SETBP1: variants seen among roughly 807,000 people sequenced by gnomAD.
The protein encoded by SETBP1 is SET-binding protein.
A neutral mutation model predicts 101.0 loss-of-function variants in SETBP1; 9 were observed. The ratio of observed to expected loss-of-function variants is 0.09; its 90% CI spans 0.05 to 0.16. SETBP1 has a LOEUF of 0.16. Among genes scored for constraint, SETBP1 ranks in the 10% least tolerant of loss-of-function variants. SETBP1 has a pLI of 1.00. For synonymous variants in SETBP1, 818 were observed against 788.5 expected, an observed-to-expected ratio of 1.04 and a Z score of -0.63; for missense variants, 1,858 against 2,033.8, an observed-to-expected ratio of 0.91 and a Z score of 1.66.
chr18:44,989,117 G>A (rs2072300100), intron 4 of SETBP1: 1 of 152,094 alleles, frequency 6.6e-6, no homozygotes, highest in African/African-American at 2.4e-5. Context: ...CTCAGCAGAA[G>A]CAACAAGGAG....
In SETBP1 at chr18:44,952,006, G is replaced by A. The variant is rs778467154; in HGVS notation, c.2666G>A (p.Arg889Gln). ...SDQAEKSSES[R>Q]RRYSFDFCSL... ...CAAGCGGAGAAGAGCTCAGAATCCCGAAGGAGGTACTCTTTTGATTTCTGC... is the reference window on the plus strand; with the variant it reads ...CAAGCGGAGAAGAGCTCAGAATCCCAAAGGAGGTACTCTTTTGATTTCTGC... Residue 889 changes from arginine (R) to glutamine (Q), a missense_variant, in exon 4 of 6, where the codon CGA becomes CAA. Around this residue, in one of 12 missense-constraint regions of SETBP1, gnomAD observed 255 missense variants for 300.1 expected, o/e 0.85. Transcript: ENST00000649279. The A allele has an allele frequency of 6.2e-6, 10 of 1,613,964 alleles. No individual in the cohort carries two copies. Among genetic ancestry groups the A allele is most frequent in the Admixed American group, 5.0e-5 (3 of 60,002 alleles).
intron 2 of SETBP1, among the ~76,000 whole-genome samples, chr18:44,789,532 G>C (rs1195998357): frequency 6.6e-6 from 1 of 152,184 alleles, no homozygotes; most frequent in Non-Finnish European, 1.5e-5. Flanking sequence ...AGATCACTCA[G>C]CAGAATTTAT....
chr18:44,918,892 C>T (rs1292626047), intron 3 of SETBP1, among the ~76,000 whole-genome samples: 1 of 152,212 alleles, frequency 6.6e-6, no homozygotes, highest in Admixed American at 6.5e-5. Flanking sequence ...CTCCCCTTTC[C>T]CTGGAGCACT....
intron 4 of SETBP1, among the ~76,000 whole-genome samples, chr18:44,954,310 A>G (rs533765995): frequency 7.6e-6 from 1 of 132,362 alleles, no homozygotes; most frequent in East Asian, 2.4e-4. Context: ...GAAACTTCTT[A>G]CCTAGGAGTT....
chr18:44,935,994 T>C, intron 3 of SETBP1, among the ~76,000 whole-genome samples: 1 of 152,062 alleles, frequency 6.6e-6, no homozygotes, highest in East Asian at 1.9e-4. Context: ...TTGAGAGGAG[T>C]AGCATGGAGA....
intron 5 of SETBP1, among the ~76,000 whole-genome samples, chr18:45,059,292 T>C (rs971206126): frequency 2.0e-5 from 3 of 152,192 alleles, no homozygotes; most frequent in African/African-American, 7.2e-5. Context: ...TTAGTATGCA[T>C]TTCTAAAAGA....
At chr18:45,006,619 C>A (rs186464980) in intron 4 of SETBP1, among the ~76,000 whole-genome samples, 2 of 152,300 alleles carry the variant, frequency 1.3e-5, no homozygotes, top group African/African-American at 4.8e-5. Context: ...TTTCTTATGG[C>A]ATTCGCCCTG....
intron 5 of SETBP1, among the ~76,000 whole-genome samples, chr18:45,054,735 T>C (rs556099458): frequency 6.6e-6 from 1 of 152,336 alleles, no homozygotes; most frequent in East Asian, 1.9e-4. Flanking sequence ...ATGTTTTTAC[T>C]CAGCTTAGAT....
chr18:44,693,170 C>T (rs1313692264), intron 1 of SETBP1, among the ~76,000 whole-genome samples: 8 of 152,180 alleles, frequency 5.3e-5, no homozygotes, highest in Admixed American at 2.6e-4. Flanking sequence ...GAAGGAATTC[C>T]GGAAAGATTA....
rs1351405076 is a variant in SETBP1, at chr18:44,951,445, C to T, written c.2105C>T (p.Ala702Val). Reference protein sequence around the residue: ...AKAPPETSPGAAAIESKLGKQ... With the variant: ...AKAPPETSPGVAAIESKLGKQ... ...GCTCCCCCAGAGACCAGCCCTGGGG[C>T]AGCAGCCATTGAAAGCAAACTGGGC... Residue 702 changes from alanine (A) to valine (V), a missense_variant, in exon 4 of 6, where the codon GCA becomes GTA. Coordinates refer to ENST00000649279, the MANE Select transcript of SETBP1 (RefSeq NM_015559.3). This position sits in a 1 kb window ranked among gnomAD's most constrained non-coding sequence, Gnocchi z 7.8. 7 of 1,613,970 alleles carry T rather than the reference C, an allele frequency of 4.3e-6. No homozygotes were observed. In the South Asian group the frequency reaches 6.6e-5, roughly 15 times the overall value.
intron 4 of SETBP1, among the ~76,000 whole-genome samples, chr18:45,031,508 G>A (rs1334645059): frequency 6.6e-6 from 1 of 152,120 alleles, no homozygotes; most frequent in Non-Finnish European, 1.5e-5. Context: ...TCTCACTCTA[G>A]AGAATATATT....
chr18:44,915,937 T>A (rs2070414932), intron 3 of SETBP1, among the ~76,000 whole-genome samples: 2 of 152,194 alleles, frequency 1.3e-5, no homozygotes, highest in South Asian at 4.1e-4. Context: ...CCAAAAAGTT[T>A]TCTCTTGGCC....
At chr18:44,718,836 A>T (rs935896508) in intron 2 of SETBP1, among the ~76,000 whole-genome samples, 4 of 152,178 alleles carry the variant, frequency 2.6e-5, no homozygotes, top group African/African-American at 9.7e-5. Context: ...ATACTCTATA[A>T]GCAGAAAGCA....
At chr18:44,802,233 T>G (rs1360996428) in intron 2 of SETBP1, among the ~76,000 whole-genome samples, 5 of 152,186 alleles carry the variant, frequency 3.3e-5, no homozygotes, top group Non-Finnish European at 7.4e-5. Flanking sequence ...TCCAAATATT[T>G]TCTATGATAG....
Position 44,780,562 on chromosome 18 carries a change from G to A in SETBP1, c.486+78730G>A, listed in dbSNP as rs185067855. Among the ~76,000 whole-genome samples, 794 of 152,240 alleles carry A rather than the reference G, an allele frequency of 5.2e-3. 9 individuals are homozygous for A. Among genetic ancestry groups the A allele is most frequent in the African/African-American group, 0.018 (740 of 41,532 alleles). On this transcript the variant is annotated intron_variant, in intron 2 of 5. Coordinates refer to ENST00000649279, the MANE Select transcript of SETBP1 (RefSeq NM_015559.3). ...TTTTCATCCAAGTCATGGTTTTGTG[G>A]CATTCCCCATTTGAGATGCCCATGG...
At chr18:44,736,041 G>C (rs1157543172) in intron 2 of SETBP1, among the ~76,000 whole-genome samples, 1 of 152,126 alleles carries the variant, frequency 6.6e-6, no homozygotes, top group African/African-American at 2.4e-5. Flanking sequence ...TCCAAATGCA[G>C]GTCACTCTAC....
chr18:44,962,978 G>C (rs565194223), intron 4 of SETBP1, among the ~76,000 whole-genome samples: 1 of 152,172 alleles, frequency 6.6e-6, no homozygotes, highest in Non-Finnish European at 1.5e-5. Flanking sequence ...TTTTCAAAGC[G>C]TACTTCCTTA....
chr18:44,931,045 A>T (rs901394030), intron 3 of SETBP1, among the ~76,000 whole-genome samples: 4 of 152,144 alleles, frequency 2.6e-5, no homozygotes, highest in African/African-American at 9.7e-5. Context: ...TGTCAATTTT[A>T]GATCTTTCCT....
intron 4 of SETBP1, among the ~76,000 whole-genome samples, chr18:44,963,899 CAAA>C (rs59077847): frequency 2.9e-4 from 12 of 41,618 alleles, no homozygotes; most frequent in Non-Finnish European, 4.6e-4. Context: ...GACCCCATCT[CAAA>C]AAAAAAAAAA....
Sources: gnomAD v4.1 joint callset for allele counts (sites outside exome capture counted in the v4.1 genomes callset) on GRCh38, gnomAD v4.1.1 for gene constraint, gnomAD v4.1.1 regional missense constraint, Gnocchi (gnomAD v3.1) non-coding constraint, MANE v1.5 for transcripts, NCBI Gene and HGNC (gene_info 2026-07-23, HGNC 2026-07-21) for gene names.